The following CDH8 variants were observed in gnomAD, a reference collection of about 807,000 sequenced individuals.
CDH8 encodes cadherin-8.
In CDH8, 17 loss-of-function variants were observed where a neutral mutation model predicts 68.1. The ratio of observed to expected loss-of-function variants is 0.25; its 90% CI spans 0.17 to 0.37. The LOEUF (loss-of-function observed/expected upper bound fraction) is 0.37. Ranked by LOEUF, CDH8 falls within the 10% of genes least tolerant of loss-of-function variation. The pLI, the probability that CDH8 is intolerant of heterozygous loss-of-function variation, is 1.00. For synonymous variants in CDH8, 372 were observed against 365.1 expected (o/e 1.02, Z -0.21); for missense variants, 763 against 999.3 (o/e 0.76, Z 3.19).
chr16:61,700,521 C>T (rs1477772350), intron 10 of CDH8, among the ~76,000 whole-genome samples: 1 of 151,996 alleles, frequency 6.6e-6, no homozygotes, highest in Non-Finnish European at 1.5e-5. Flanking sequence ...CCTTGTGATC[C>T]CCCCACCTCG....
At chr16:61,677,897 A>G (rs1477433313) in intron 10 of CDH8, among the ~76,000 whole-genome samples, 2 of 151,970 alleles carry the variant, frequency 1.3e-5, no homozygotes, top group African/African-American at 2.4e-5. Flanking sequence ...TTTGGAATTA[A>G]GGAAAAGTCG....
At chr16:61,722,425 A>G (rs147300012) in intron 9 of CDH8, among the ~76,000 whole-genome samples, 1,852 of 150,918 alleles carry the variant, frequency 0.012, 42 homozygotes, top group African/African-American at 0.043. Flanking sequence ...TATTCATTCT[A>G]TTCTTCTCAT....
intron 4 of CDH8, among the ~76,000 whole-genome samples, chr16:61,825,885 T>G (rs536942455): frequency 1.2e-3 from 181 of 152,102 alleles, no homozygotes; most frequent in Non-Finnish European, 1.9e-3. Context: ...CAAATCTTAA[T>G]GTTTTTTCTT....
intron 8 of CDH8, among the ~76,000 whole-genome samples, chr16:61,741,133 G>T (rs1959861833): frequency 6.6e-6 from 1 of 151,982 alleles, no homozygotes; most frequent in African/African-American, 2.4e-5. Context: ...ATCTCAATTT[G>T]CAATGTCCTG....
At chr16:61,984,113 GTCA>G (rs1236308505) in intron 2 of CDH8, among the ~76,000 whole-genome samples, 1 of 151,712 alleles carries the variant, frequency 6.6e-6, no homozygotes, top group African/African-American at 2.4e-5. Context: ...CAGATGGGGT[GTCA>G]TCATATTGGC....
At chr16:61,873,345 T>G (rs551600425) in intron 3 of CDH8, among the ~76,000 whole-genome samples, 1 of 152,288 alleles carries the variant, frequency 6.6e-6, no homozygotes, top group African/African-American at 2.4e-5. Flanking sequence ...TCCATAGCAG[T>G]GTTTTCTAAA....
chr16:61,853,328 T>C (rs1441781951), intron 4 of CDH8, among the ~76,000 whole-genome samples: 2 of 152,088 alleles, frequency 1.3e-5, no homozygotes, highest in African/African-American at 4.8e-5. Flanking sequence ...AAAAACAAGA[T>C]ACATACAAGA....
Position 61,751,709 on chromosome 16 carries a change from A to G in CDH8, c.1415-24494T>C, listed in dbSNP as rs74023238. 1.0e-3 allele frequency among the ~76,000 whole-genome samples: 156 copies of G among 152,208 alleles called. 2 individuals carry two copies. Among genetic ancestry groups the G allele is most frequent in the African/African-American group, 3.6e-3 (149 of 41,558 alleles). On this transcript the variant is annotated intron_variant, in intron 8 of 11. Transcript: ENST00000577390. ...AACTGCTTTTGGTGTCGCAGGAAAC[A>G]TATTTCCTTTCCCTGTCCTTCACTC...
intron 4 of CDH8, among the ~76,000 whole-genome samples, chr16:61,826,428 C>T (rs917014178): frequency 6.6e-6 from 1 of 151,666 alleles, no homozygotes; most frequent in African/African-American, 2.4e-5. Flanking sequence ...TGCCCCTTCC[C>T]CATATTGCTA....
rs202163316 is a variant in CDH8, at chr16:61,668,570, C to T, written c.1655-12849G>A. Among the ~76,000 whole-genome samples the T allele has an allele frequency of 2.6e-5, 4 of 151,174 alleles. No individual in the cohort carries two copies. The South Asian group carries it at 8.4e-4, about 32-fold the overall frequency. On this transcript the variant is annotated intron_variant, in intron 10 of 11. Transcript: ENST00000577390. ...TTGTGTTTGAATGAAAATTTTAAAG[C>T]TTTTATAAATATCAACAGATCTAGA...
At chr16:61,718,768 A>G (rs948498074) in intron 9 of CDH8, among the ~76,000 whole-genome samples, 2 of 151,266 alleles carry the variant, frequency 1.3e-5, no homozygotes, top group African/African-American at 4.8e-5. Context: ...ATGCGCATTT[A>G]TGAGGGGAAA....
In CDH8 at chr16:61,691,405, A is replaced by G. The variant is rs114462062; in HGVS notation, c.1654+22436T>C. On this transcript the variant is annotated intron_variant, in intron 10 of 11. Coordinates refer to ENST00000577390, the MANE Select transcript of CDH8 (RefSeq NM_001796.5). The stretch of plus-strand genomic sequence containing the variant: ...TGTTTTCTTGCATTAGAGTGCCACT[A>G]AATTTTTATTGCCTCCATCTCATTA... Among the ~76,000 whole-genome samples the G allele has an allele frequency of 7.4e-3, 1,130 of 151,698 alleles. 16 individuals are homozygous for G. Among genetic ancestry groups the G allele is most frequent in the African/African-American group, 0.026 (1,080 of 41,378 alleles).
intron 7 of CDH8, among the ~76,000 whole-genome samples, chr16:61,798,315 G>T (rs995003543): frequency 2.0e-5 from 3 of 152,132 alleles, no homozygotes; most frequent in Non-Finnish European, 4.4e-5. Context: ...TATCATGCTT[G>T]TATGTGTGCA....
intron 3 of CDH8, among the ~76,000 whole-genome samples, chr16:61,893,393 C>A (rs1185205410): frequency 6.6e-6 from 1 of 150,692 alleles, no homozygotes; most frequent in Admixed American, 6.6e-5. Flanking sequence ...CAACCCAGTA[C>A]AGGTAGATGT....
chr16:61,800,757 G>A (rs773436337), intron 7 of CDH8, among the ~76,000 whole-genome samples: 15 of 152,168 alleles, frequency 9.9e-5, no homozygotes, highest in Middle Eastern at 3.4e-3. Flanking sequence ...CATTTCCACC[G>A]TGCTCTCTTC....
In CDH8 at chr16:61,648,080, GGAGGAGAA is replaced by G; in HGVS notation, c.*5520_*5527del. The stretch of plus-strand genomic sequence containing the variant: ...GATGAAACTTCCACACATAAAGGAA[GGAGGAGAA>G]TACATACAAAAACACTTACAACATT... On this transcript the variant is annotated 3_prime_UTR_variant, in exon 12 of 12. Coordinates refer to ENST00000577390, the MANE Select transcript of CDH8 (RefSeq NM_001796.5). 2.0e-6 allele frequency: 1 copy of G among 495,430 alleles called. No individual in the cohort carries two copies. The highest frequency in any genetic ancestry group is 3.6e-6 in the Non-Finnish European group (1 of 278,846). The allele number at this position is 495,430 out of a possible 1,614,324, so 30.7% of individuals were successfully genotyped here.
At chr16:61,930,657 G>A (rs558204045) in intron 2 of CDH8, among the ~76,000 whole-genome samples, 1 of 152,274 alleles carries the variant, frequency 6.6e-6, no homozygotes, top group Non-Finnish European at 1.5e-5. Flanking sequence ...TAAGAACTAT[G>A]TGGACCCTTT....
chr16:61,908,489 T>C (rs1359117538), intron 2 of CDH8, among the ~76,000 whole-genome samples: 1 of 152,170 alleles, frequency 6.6e-6, no homozygotes, highest in Admixed American at 6.5e-5. Context: ...AGATCAGGAG[T>C]AAGCCTTGAA....
intron 5 of CDH8, among the ~76,000 whole-genome samples, chr16:61,823,340 A>C (rs1962258796): frequency 6.6e-6 from 1 of 151,718 alleles, no homozygotes. Flanking sequence ...TAAAAAACAG[A>C]TTTCCTATGG....
Sources: gnomAD v4.1 joint callset for allele counts (sites outside exome capture counted in the v4.1 genomes callset) on GRCh38, gnomAD v4.1.1 for gene constraint, MANE v1.5 for transcripts, NCBI Gene and HGNC (gene_info 2026-07-23, HGNC 2026-07-21) for gene names.